Variants in SLC9B2 observed in about 807,000 individuals in gnomAD.
SLC9B2 encodes sodium/hydrogen exchanger 9B2.
A neutral mutation model predicts 52.2 loss-of-function variants in SLC9B2; 39 were observed. The observed-to-expected ratio is 0.75, with a 90% CI of 0.58 to 0.98. The LOEUF (loss-of-function observed/expected upper bound fraction) is 0.98. Among genes scored for constraint, SLC9B2 ranks in the 50% least tolerant of loss-of-function variants. The pLI, the probability that SLC9B2 is intolerant of heterozygous loss-of-function variation, is 0.00. For synonymous variants in SLC9B2, 214 were observed against 227.0 expected, an observed-to-expected ratio of 0.94 and a Z score of 0.51; for missense variants, 626 against 637.5, an observed-to-expected ratio of 0.98 and a Z score of 0.19.
intron 9 of SLC9B2, among the ~76,000 whole-genome samples, 165 bp from the exon 10 acceptor site, chr4:103,031,973 A>T (rs1742746992): frequency 6.6e-6 from 1 of 152,156 alleles, no homozygotes; most frequent in South Asian, 2.1e-4. Flanking sequence ...CTGCATGAAG[A>T]TCTTTCTATC....
At chr4:103,048,092 A>G (rs1744330476) in intron 6 of SLC9B2, among the ~76,000 whole-genome samples, 1 of 152,206 alleles carries the variant, frequency 6.6e-6, no homozygotes, top group Admixed American at 6.5e-5. Flanking sequence ...ATGTCAAATA[A>G]GGCAACAGAT....
At chr4:103,037,762 C>T (rs1345058839) in intron 9 of SLC9B2, among the ~76,000 whole-genome samples, 2 of 152,120 alleles carry the variant, frequency 1.3e-5, no homozygotes, top group East Asian at 3.8e-4. Context: ...TATGTAATGG[C>T]TAGTTCTGCC....
Position 103,026,194 on chromosome 4 carries a change from G to A in SLC9B2, c.*176C>T. 1 of 564,294 alleles carries A rather than the reference G, an allele frequency of 1.8e-6. No homozygotes were observed. Among genetic ancestry groups the A allele is most frequent in the East Asian group, 2.9e-5 (1 of 34,338 alleles). The allele number at this position is 564,294 out of a possible 1,614,324, so 35.0% of individuals were successfully genotyped here. ...AAAAGGCAGAGAGATTAAGGTTGGTGATATAGATCATTACCACCCACATGG... is the reference window on the plus strand; with the variant it reads ...AAAAGGCAGAGAGATTAAGGTTGGTAATATAGATCATTACCACCCACATGG... On this transcript the variant is annotated 3_prime_UTR_variant, in exon 12 of 12. Transcript: ENST00000394785.
chr4:103,074,011 G>A (rs1354743913), intron 1 of SLC9B2, among the ~76,000 whole-genome samples: 1 of 152,094 alleles, frequency 6.6e-6, no homozygotes, highest in Non-Finnish European at 1.5e-5. Flanking sequence ...TTCATTTCTT[G>A]CCATTGGAAT....
At position 103,023,404 on chromosome 4, in the gene SLC9B2, G is replaced by A. The variant is rs911269528; in HGVS notation, c.*2966C>T. On this transcript the variant is annotated 3_prime_UTR_variant, in exon 12 of 12. Coordinates refer to ENST00000394785, the MANE Select transcript of SLC9B2 (RefSeq NM_178833.7). Reference sequence around the variant, plus strand: ...TGTTTCTATCTGTGGTTTAAGAGGGGATAGGTTGAGTTGGTCAGTACTCTA... The same window carrying A: ...TGTTTCTATCTGTGGTTTAAGAGGGAATAGGTTGAGTTGGTCAGTACTCTA... 1.3e-5 allele frequency among the ~76,000 whole-genome samples: 2 copies of A among 152,172 alleles called. No homozygotes were observed. The highest frequency in any genetic ancestry group is 6.5e-5 in the Admixed American group (1 of 15,284).
intron 9 of SLC9B2, among the ~76,000 whole-genome samples, chr4:103,038,739 G>A (rs1743381582): frequency 6.6e-6 from 1 of 151,938 alleles, no homozygotes; most frequent in Admixed American, 6.6e-5. Flanking sequence ...TTTTTTGAAA[G>A]AACATTTTAA....
Position 103,023,921 on chromosome 4 carries a change from C to T in SLC9B2, c.*2449G>A, listed in dbSNP as rs1233908174. ...CCAAGCCTGTTACTTGGAGAAAATG[C>T]CACTGATGACCTGGGAAACAGCATG... On this transcript the variant is annotated 3_prime_UTR_variant, in exon 12 of 12. Transcript: ENST00000394785. Among the ~76,000 whole-genome samples the T allele has an allele frequency of 6.6e-6, 1 of 152,136 alleles. No homozygotes were observed. The highest frequency in any genetic ancestry group is 1.5e-5 in the Non-Finnish European group (1 of 68,022).
chr4:103,057,742 A>G, intron 4 of SLC9B2, 59 bp downstream of exon 4: 1 of 1,525,840 alleles, frequency 6.6e-7, no homozygotes, highest in South Asian at 1.2e-5. Flanking sequence ...AAGCTTTCCA[A>G]ACTATTATCT....
chr4:103,045,542 C>T (rs1475421368), intron 7 of SLC9B2, among the ~76,000 whole-genome samples: 1 of 151,790 alleles, frequency 6.6e-6, no homozygotes, highest in Admixed American at 6.6e-5. Flanking sequence ...AGTCTTGGGC[C>T]CCACCCCTAA....
rs1560560422 is a variant in SLC9B2 at position 103,066,461 on chromosome 4, G to A, written c.137C>T (p.Thr46Ile). ...KLKGIDANEPTEGSILLKSSE... is the reference protein window; with the variant it reads ...KLKGIDANEPIEGSILLKSSE... ...GCTTTTCAAAAGAATACTTCCTTCT[G>A]TTGGTTCATTTGCATCTATACCTTT... Residue 46 changes from threonine to isoleucine, a missense_variant, in exon 3 of 12, where the codon ACA (threonine) becomes ATA (isoleucine). Physicochemically the swap from Thr to Ile is moderately conservative, Grantham distance 89. Coordinates refer to ENST00000394785, the MANE Select transcript of SLC9B2 (RefSeq NM_178833.7). The A allele has an allele frequency of 6.2e-6, 10 of 1,613,944 alleles. No homozygotes were observed. Among genetic ancestry groups the A allele is most frequent in the Non-Finnish European group, 8.5e-6 (10 of 1,179,918 alleles).
At chr4:103,032,146 G>C (rs1260527769) in intron 9 of SLC9B2, among the ~76,000 whole-genome samples, 9 of 151,970 alleles carry the variant, frequency 5.9e-5, no homozygotes, top group Non-Finnish European at 1.3e-4. Flanking sequence ...GTAGTGTTTT[G>C]TAGTTTAAAA....
chr4:103,036,656 T>C (rs2110588357), intron 9 of SLC9B2, among the ~76,000 whole-genome samples: 1 of 151,916 alleles, frequency 6.6e-6, no homozygotes, highest in East Asian at 1.9e-4. Flanking sequence ...CATGCCTTTT[T>C]TTTTTTTCAA....
At chr4:103,057,295 TACAC>T (rs1296309566) in intron 4 of SLC9B2, among the ~76,000 whole-genome samples, 1 of 145,958 alleles carries the variant, frequency 6.9e-6, no homozygotes, top group African/African-American at 2.6e-5. Context: ...CACACATATA[TACAC>T]ACACACACAC....
rs1356092992 is a variant in SLC9B2 at position 103,031,772 on chromosome 4, T to C, written c.1183A>G (p.Ile395Val). The change falls in exon 10 of 12, where the codon ATT (isoleucine) becomes GTT (valine). Residue 395 changes from isoleucine to valine, a missense_variant. By Grantham distance (29) the Ile-to-Val change is conservative (BLOSUM62 3). Transcript: ENST00000394785. ...VEKIIAVAWD[I>V]FQPLLFGLIG... Reference sequence around the variant, plus strand: ...AGTCCAAAAAGAAGGGGCTGAAAAATGTCCCAGGCAACTGCAATTATCTTT... The same window carrying C: ...AGTCCAAAAAGAAGGGGCTGAAAAACGTCCCAGGCAACTGCAATTATCTTT... 3.7e-6 allele frequency: 6 copies of C among 1,612,676 alleles called. No homozygotes were observed. Among genetic ancestry groups the C allele is most frequent in the South Asian group, 3.3e-5 (3 of 91,050 alleles).
chr4:103,060,191 C>G (rs1745498011), intron 3 of SLC9B2, among the ~76,000 whole-genome samples: 2 of 151,766 alleles, frequency 1.3e-5, no homozygotes, highest in South Asian at 4.2e-4. Flanking sequence ...CTTCCCCATT[C>G]TCTTTTTCCA....
Position 103,042,867 on chromosome 4 carries a change from T to C in SLC9B2, c.1146+429A>G, listed in dbSNP as rs146429992. 2.3e-3 allele frequency among the ~76,000 whole-genome samples: 354 copies of C among 152,168 alleles called. 2 individuals carry two copies. The highest frequency in any genetic ancestry group is 7.9e-3 in the African/African-American group (330 of 41,574). ...TAACATTTCTGAAATTAGAATGTTA[T>C]GTTATCGTTTAATTGGCACTATTTT... On this transcript the variant is annotated intron_variant, in intron 9 of 11. Transcript: ENST00000394785.
intron 9 of SLC9B2, among the ~76,000 whole-genome samples, chr4:103,033,624 A>T (rs913895374): frequency 6.6e-6 from 1 of 151,084 alleles, no homozygotes; most frequent in Non-Finnish European, 1.5e-5. Flanking sequence ...GTTTTAGGAT[A>T]AAAAATCAAT....
intron 10 of SLC9B2, among the ~76,000 whole-genome samples, chr4:103,031,107 A>G (rs1742662172): frequency 6.6e-6 from 1 of 152,164 alleles, no homozygotes; most frequent in Admixed American, 6.6e-5. Flanking sequence ...GAAAGAATCC[A>G]TATGCAAGAT....
intron 1 of SLC9B2, among the ~76,000 whole-genome samples, chr4:103,074,093 A>G (rs188413698): frequency 6.6e-6 from 1 of 152,272 alleles, no homozygotes; most frequent in East Asian, 1.9e-4. Context: ...AGAGGAGGAA[A>G]ATCCTCTCCT....
Sources: gnomAD v4.1 joint callset for allele counts (sites outside exome capture counted in the v4.1 genomes callset) on GRCh38, gnomAD v4.1.1 for gene constraint, MANE v1.5 for transcripts, NCBI Gene and HGNC (gene_info 2026-07-23, HGNC 2026-07-21) for gene names.